Variants in LUZP1 observed in about 807,000 individuals in gnomAD.
The protein encoded by LUZP1 is filamin mechanobinding actin cross-linking protein.
LUZP1 carries 25 observed loss-of-function variants against 71.3 expected under a neutral mutation model. The observed-to-expected ratio is 0.35, with a 90% confidence interval of 0.26 to 0.49. The LOEUF (loss-of-function observed/expected upper bound fraction) is 0.49. LUZP1 is among the 20% of genes least tolerant of loss of function. The pLI is 0.99. For synonymous variants in LUZP1, 481 were observed against 506.4 expected (o/e 0.95, Z 0.67); for missense variants, 1,142 against 1,300.8 (o/e 0.88, Z 1.88).
At chr1:23,149,990 G>T (rs1053598832) in intron 2 of LUZP1, among the ~76,000 whole-genome samples, 4 of 140,090 alleles carry the variant, frequency 2.9e-5, no homozygotes, top group African/African-American at 1.1e-4. Flanking sequence ...AAAAAGTTTA[G>T]AAGTAAAAGA....
chr1:23,132,354 T>C (rs1333781969), intron 2 of LUZP1, among the ~76,000 whole-genome samples: 1 of 152,182 alleles, frequency 6.6e-6, no homozygotes, highest in Non-Finnish European at 1.5e-5. Context: ...TCTCATTTTA[T>C]TGAACAAAGA....
At chr1:23,109,999 T>G (rs996645636) in intron 2 of LUZP1, among the ~76,000 whole-genome samples, 1 of 152,196 alleles carries the variant, frequency 6.6e-6, no homozygotes, top group African/African-American at 2.4e-5. Context: ...GCACTATGCT[T>G]TATGTTTTAT....
exon 5 of LUZP1, chr1:23,085,343 C>G (rs551708928): frequency 6.5e-6 from 1 of 152,718 alleles, no homozygotes; most frequent in South Asian, 2.1e-4. Context: ...AAAATACATT[C>G]CATTCAGTAT....
intron 2 of LUZP1, among the ~76,000 whole-genome samples, chr1:23,119,944 GTT>G (rs796427865): frequency 6.8e-6 from 1 of 146,020 alleles, no homozygotes; most frequent in Non-Finnish European, 1.5e-5. Context: ...TTTGTTGGTA[GTT>G]TTTTTTTTTT....
Position 23,117,477 on chromosome 1 carries a change from C to CTCTCTCTCTCTCTCTCT in LUZP1, c.-225-8351_-225-8350insAGAGAGAGAGAGAGAGA, listed in dbSNP as rs34248788. ...TTCCTCTCTCTCTCTCTCTCTCTCT[C>CTCTCTCTCTCTCTCTCT]CCCCCCCCCCCCCCACAATCAGGAA... is the stretch of plus-strand genomic sequence containing the variant. On this transcript the variant is annotated intron_variant, in intron 2 of 4. Transcript: ENST00000302291. 5.8e-4 allele frequency among the ~76,000 whole-genome samples: 8 copies of CTCTCTCTCTCTCTCTCT among 13,848 alleles called. 1 individual carries two copies. The highest frequency in any genetic ancestry group is 1.2e-3 in the African/African-American group (4 of 3,476). The allele number at this position is 13,848 out of a possible 152,430, so 9.1% of individuals were successfully genotyped here.
chr1:23,111,982 T>G (rs1410525262), intron 2 of LUZP1, among the ~76,000 whole-genome samples: 18 of 152,188 alleles, frequency 1.2e-4, no homozygotes, highest in Admixed American at 1.2e-3. Context: ...ACCTACCACC[T>G]ACTGCCAAAT....
chr1:23,092,318 G>T, exon 4 of LUZP1: 1 of 1,614,166 alleles, frequency 6.2e-7, no homozygotes, highest in Non-Finnish European at 8.5e-7. Flanking sequence ...TGGATTTGAT[G>T]ACTCGACACC....
chr1:23,170,467 T>C (rs1448811424), intron 1 of LUZP1, among the ~76,000 whole-genome samples: 1 of 102,166 alleles, frequency 9.8e-6, no homozygotes, highest in Non-Finnish European at 2.1e-5. Flanking sequence ...TCTTTCTTTT[T>C]TTTTTTTTTT....
At chr1:23,163,891 C>A (rs540898549) in intron 2 of LUZP1, 2 of 152,302 alleles carry the variant, frequency 1.3e-5, no homozygotes, top group Admixed American at 1.3e-4. Context: ...TCAGTTCCCT[C>A]ATTTATAAAA....
chr1:23,095,383 A>G (rs922573223), intron 3 of LUZP1, among the ~76,000 whole-genome samples: 5 of 152,256 alleles, frequency 3.3e-5, no homozygotes, highest in Non-Finnish European at 7.3e-5. Context: ...ACTGAATAAA[A>G]TGTAACAATC....
chr1:23,133,214 T>C (rs1188175207), intron 2 of LUZP1, among the ~76,000 whole-genome samples: 1 of 152,228 alleles, frequency 6.6e-6, no homozygotes, highest in African/African-American at 2.4e-5. Flanking sequence ...TGACGATATA[T>C]ACGAACAGAT....
chr1:23,111,906 C>T (rs1644037723), intron 2 of LUZP1, among the ~76,000 whole-genome samples: 1 of 152,146 alleles, frequency 6.6e-6, no homozygotes, highest in Non-Finnish European at 1.5e-5. Flanking sequence ...TCTGGTCTAT[C>T]TCCCCTAAGG....
At chr1:23,092,883 G>C in exon 4 of LUZP1, 1 of 1,613,790 alleles carries the variant, frequency 6.2e-7, no homozygotes, top group Non-Finnish European at 8.5e-7. Context: ...TTCGCTCTGG[G>C]AGGAGCCGGG....
At chr1:23,153,832 G>A (rs2124735680) in intron 2 of LUZP1, among the ~76,000 whole-genome samples, 1 of 152,228 alleles carries the variant, frequency 6.6e-6, no homozygotes, top group African/African-American at 2.4e-5. Flanking sequence ...CAGCTACTCA[G>A]GAGGCTGAGG....
exon 5 of LUZP1, chr1:23,087,178 G>A (rs547590077): frequency 4.6e-5 from 7 of 152,252 alleles, no homozygotes; most frequent in Non-Finnish European, 1.0e-4. Context: ...AAGAGCCTCA[G>A]AGACCATCCC....
chr1:23,129,809 A>G (rs1338501685), intron 2 of LUZP1, among the ~76,000 whole-genome samples: 1 of 152,172 alleles, frequency 6.6e-6, no homozygotes, highest in Non-Finnish European at 1.5e-5. Flanking sequence ...CTGCATCTGT[A>G]TCTATATTTA....
intron 3 of LUZP1, among the ~76,000 whole-genome samples, chr1:23,097,797 G>A (rs1205294314): frequency 6.6e-6 from 1 of 152,190 alleles, no homozygotes; most frequent in African/African-American, 2.4e-5. Context: ...AGCTATGACT[G>A]TGCCACTGTA....
chr1:23,106,774 C>A (rs1643985612), intron 3 of LUZP1, among the ~76,000 whole-genome samples: 1 of 152,184 alleles, frequency 6.6e-6, no homozygotes, highest in Non-Finnish European at 1.5e-5. Flanking sequence ...CTGATTACTG[C>A]AAAAGCTTCC....
intron 2 of LUZP1, among the ~76,000 whole-genome samples, chr1:23,117,472 T>C (rs1485540432): frequency 3.1e-5 from 1 of 32,104 alleles, no homozygotes; most frequent in Non-Finnish European, 4.9e-5. Context: ...TCTCTCTCTC[T>C]CTCTCCCCCC....
Sources: gnomAD v4.1 joint callset for allele counts (sites outside exome capture counted in the v4.1 genomes callset) on GRCh38, gnomAD v4.1.1 for gene constraint, MANE v1.5 for transcripts, NCBI Gene and HGNC (gene_info 2026-07-23, HGNC 2026-07-21) for gene names.